ZNF383: variants seen among roughly 807,000 people sequenced by gnomAD.
The protein encoded by ZNF383 is zinc finger protein 383.
Under a neutral mutation model 44.2 loss-of-function variants are expected in ZNF383, and 32 were observed. The ratio of observed to expected loss-of-function variants is 0.72; its 90% confidence interval spans 0.55 to 0.97. The LOEUF (loss-of-function observed/expected upper bound fraction) is 0.97, where lower values mean the gene tolerates loss of function less well. Among genes scored for constraint, ZNF383 ranks in the 50% least tolerant of loss-of-function variants. ZNF383 has a pLI of 0.00. For missense variants in ZNF383, 487 were observed against 562.5 expected (o/e 0.87, Z 1.36); for synonymous variants, 155 against 186.2 (o/e 0.83, Z 1.36).
chr19:37,223,599 T>C (rs985261622), intron 1 of ZNF383, among the ~76,000 whole-genome samples: 3 of 152,126 alleles, frequency 2.0e-5, no homozygotes, highest in African/African-American at 7.2e-5. Context: ...TATTTATAAA[T>C]AACTGGTGAC....
At chr19:37,238,020 G>A (rs189536098) in intron 5 of ZNF383, among the ~76,000 whole-genome samples, 28 of 151,830 alleles carry the variant, frequency 1.8e-4, no homozygotes, top group African/African-American at 5.8e-4. Context: ...ACGTCACCAC[G>A]CCCAGCTAAT....
At position 37,242,968 on chromosome 19, in the gene ZNF383, T is replaced by C; in HGVS notation, c.732T>C (p.His244=). 1 of 1,614,146 alleles carries C rather than the reference T, an allele frequency of 6.2e-7. No homozygotes were observed. Among genetic ancestry groups the C allele is most frequent in the Non-Finnish European group, 8.5e-7 (1 of 1,180,022 alleles). Reference sequence around the variant, plus strand: ...GTTGTAGCTCATACCTTTCTCAACATCAGAGAATCCATACCGGTAAGAAAC... The same window carrying C: ...GTTGTAGCTCATACCTTTCTCAACACCAGAGAATCCATACCGGTAAGAAAC... The part of the protein sequence containing the change: ...AFSCSSYLSQ[H]QRIHTGKKPY... The change falls in exon 6 of 6, where the codon CAT becomes CAC. Residue 244 remains histidine (H), a synonymous_variant. Transcript: ENST00000684119.
rs139515099 is a variant in ZNF383, at chr19:37,230,556, T to G, written c.9+94T>G. On this transcript the variant is annotated intron_variant, in intron 3 of 5. Transcript: ENST00000684119. ...CTTTCCTTATCCTGACATTTCTGGC[T>G]AACAGAGTTCCCCTTCAGAATCCTT... 2,809 of 1,410,476 alleles carry G rather than the reference T, an allele frequency of 2.0e-3. 12 individuals are homozygous for G. Among genetic ancestry groups the G allele is most frequent in the Non-Finnish European group, 2.5e-3 (2,499 of 1,010,242 alleles). The allele number at this position is 1,410,476 out of a possible 1,614,324, so 87.4% of individuals were successfully genotyped here.
At chr19:37,242,179 C>T (rs981290667) in intron 5 of ZNF383, among the ~76,000 whole-genome samples, 2 of 59,992 alleles carry the variant, frequency 3.3e-5, no homozygotes, top group Non-Finnish European at 9.0e-5. Flanking sequence ...TGGAAAATAG[C>T]CCAACCATTG....
At chr19:37,235,874 T>C in intron 4 of ZNF383, 105 bp from the exon 5 acceptor site, 3 of 1,235,288 alleles carry the variant, frequency 2.4e-6, no homozygotes, top group Non-Finnish European at 3.4e-6. Context: ...CATCTTCATC[T>C]TTCTTTGGCT....
chr19:37,220,956 C>G (rs1374569082), intron 1 of ZNF383, among the ~76,000 whole-genome samples: 1 of 152,174 alleles, frequency 6.6e-6, no homozygotes, highest in African/African-American at 2.4e-5. Context: ...TAGCCTCACT[C>G]TCGCTGCTAT....
chr19:37,237,827 G>A (rs1016411172), intron 5 of ZNF383, among the ~76,000 whole-genome samples: 3 of 151,316 alleles, frequency 2.0e-5, no homozygotes, highest in African/African-American at 7.3e-5. Context: ...CTTGAAGCCC[G>A]ATCATCTCTT....
chr19:37,243,439 G>C lies in ZNF383; in HGVS notation c.1203G>C (p.Lys401Asn). ...CCTTTGAATGTCTTGAATGTGGGAA[G>C]GCCTTTACTCAGAACTCACAACTTT... ...EKPFECLECG[K>N]AFTQNSQLFQ... Residue 401 changes from lysine to asparagine, a missense_variant, in exon 6 of 6, where the codon AAG (lysine) becomes AAC (asparagine). Coordinates refer to ENST00000684119, the MANE Select transcript of ZNF383 (RefSeq NM_001387601.1). The C allele has an allele frequency of 6.2e-7, 1 of 1,614,056 alleles. No homozygotes were observed. Among genetic ancestry groups the C allele is most frequent in the Non-Finnish European group, 8.5e-7 (1 of 1,179,990 alleles).
At position 37,245,016 on chromosome 19, in the gene ZNF383, G is replaced by A. The variant is rs1163312708; in HGVS notation, c.*1352G>A. On this transcript the variant is annotated 3_prime_UTR_variant, in exon 6 of 6. Transcript: ENST00000684119. ...CAGCTATAAAAGCTGACCTCGGCTG[G>A]GCACAGTGGCTCATGCCTGTAATCC... is the stretch of plus-strand genomic sequence containing the variant. 1 of 152,122 alleles carries A rather than the reference G, an allele frequency of 6.6e-6. No homozygotes were observed. The highest frequency in any genetic ancestry group is 1.9e-4 in the East Asian group (1 of 5,168). 9.4% of individuals were successfully genotyped at this position (152,122 alleles called of 1,614,324 possible). A position where few individuals can be genotyped will look rare whatever the true frequency, so the allele number is the denominator to read the frequency against.
intron 1 of ZNF383, among the ~76,000 whole-genome samples, chr19:37,221,781 TAAAAAAA>T (rs71177434): frequency 7.3e-6 from 1 of 137,188 alleles, no homozygotes; most frequent in African/African-American, 2.7e-5. Flanking sequence ...CGTCTCTACT[TAAAAAAA>T]AAAAAAAAAT....
At chr19:37,224,695 G>A (rs1312574731) in intron 1 of ZNF383, 123 bp from the exon 2 acceptor site, 1 of 151,070 alleles carries the variant, frequency 6.6e-6, no homozygotes, top group African/African-American at 2.4e-5. Flanking sequence ...TGGGACTACA[G>A]ACAATGTGCC....
At position 37,243,100 on chromosome 19, in the gene ZNF383, G is replaced by A; in HGVS notation, c.864G>A (p.Gly288=). ...AACCTTATGAATGTAAAGTATGTGG[G>A]AAAGCCTTTACTAAGAGCTCACAAC... is the stretch of plus-strand genomic sequence containing the variant. ...GEKPYECKVC[G]KAFTKSSQLF... is the part of the protein sequence containing the mutation. Residue 288 remains glycine (G), a synonymous_variant, in exon 6 of 6, where the codon GGG becomes GGA. Transcript: ENST00000684119. 1.2e-6 allele frequency: 2 copies of A among 1,613,848 alleles called. No individual in the cohort carries two copies. Among genetic ancestry groups the A allele is most frequent in the Non-Finnish European group, 1.7e-6 (2 of 1,179,968 alleles).
chr19:37,218,568 TTGCG>T (rs1972779695), intron 1 of ZNF383, among the ~76,000 whole-genome samples: 1 of 152,072 alleles, frequency 6.6e-6, no homozygotes, highest in East Asian at 1.9e-4. Flanking sequence ...CTGTGTAACT[TTGCG>T]TGACATTTGT....
At position 37,232,249 on chromosome 19, in the gene ZNF383, G is replaced by A. The variant is rs566035661; in HGVS notation, c.9+1787G>A. 3.8e-4 allele frequency among the ~76,000 whole-genome samples: 58 copies of A among 151,508 alleles called. 1 individual carries two copies. Among genetic ancestry groups the A allele is most frequent in the African/African-American group, 1.3e-3 (53 of 41,350 alleles). ...GCCACCACGCCTGGCTAATTTTTTC[G>A]GTTTTAGTAGAGACTGGGTTTCATC... is the stretch of plus-strand genomic sequence containing the variant. On this transcript the variant is annotated intron_variant, in intron 3 of 5. Coordinates refer to ENST00000684119, the MANE Select transcript of ZNF383 (RefSeq NM_001387601.1).
At chr19:37,234,580 CAG>C (rs562612682) in intron 3 of ZNF383, among the ~76,000 whole-genome samples, 193 of 151,978 alleles carry the variant, frequency 1.3e-3, no homozygotes, top group African/African-American at 4.3e-3. Context: ...TTAGTAGAGA[CAG>C]GGTTTCACCG....
At chr19:37,236,223 G>C in intron 5 of ZNF383, 149 bp downstream of exon 5, 1 of 514,178 alleles carries the variant, frequency 1.9e-6, no homozygotes, top group Non-Finnish European at 3.4e-6. Context: ...TAGCATAGTT[G>C]TTAAATAACC....
intron 2 of ZNF383, among the ~76,000 whole-genome samples, chr19:37,229,778 A>ATG (rs1245442492): frequency 1.6e-3 from 208 of 127,572 alleles, no homozygotes; most frequent in East Asian, 4.6e-3. Context: ...ATGTATATAT[A>ATG]TGTGTGTGTA....
chr19:37,230,216 C>T (rs1973415705), intron 2 of ZNF383, among the ~76,000 whole-genome samples, 193 bp from the exon 3 acceptor site: 1 of 152,112 alleles, frequency 6.6e-6, no homozygotes, highest in African/African-American at 2.4e-5. Context: ...GAATCTGAGT[C>T]CTTGTCTTGC....
intron 2 of ZNF383, among the ~76,000 whole-genome samples, chr19:37,229,744 A>G (rs1044837115): frequency 7.7e-5 from 11 of 142,342 alleles, no homozygotes; most frequent in East Asian, 2.0e-4. Flanking sequence ...ATGTGTGTGT[A>G]TATATGTATA....
Sources: gnomAD v4.1 joint callset for allele counts (sites outside exome capture counted in the v4.1 genomes callset) on GRCh38, gnomAD v4.1.1 for gene constraint, MANE v1.5 for transcripts, NCBI Gene and HGNC (gene_info 2026-07-23, HGNC 2026-07-21) for gene names.